The following HMSD variants were observed in gnomAD, a reference collection of about 807,000 sequenced individuals.
HMSD encodes serpin-like protein HMSD.
In HMSD, 13 loss-of-function variants were observed where a neutral mutation model predicts 10.0. The observed-to-expected ratio is 1.31, with a 90% CI of 0.85 to 2.08. HMSD has a LOEUF of 2.08. Ranked by LOEUF, HMSD falls within the 30% of genes most tolerant of loss-of-function variation. The pLI, the probability that HMSD is intolerant of heterozygous loss-of-function variation, is 0.00. For synonymous variants in HMSD, 51 were observed against 54.2 expected (o/e 0.94, Z 0.26); for missense variants, 169 against 166.3 (o/e 1.02, Z -0.09).
intron 1 of HMSD, among the ~76,000 whole-genome samples, chr18:63,951,510 C>G (rs751109029): frequency 1.3e-5 from 2 of 151,934 alleles, no homozygotes; most frequent in Admixed American, 6.6e-5. Flanking sequence ...GTTGAGCATA[C>G]GAAGAAATTA....
At chr18:63,955,673 A>T (rs1011485908) in intron 3 of HMSD, among the ~76,000 whole-genome samples, 2 of 152,140 alleles carry the variant, frequency 1.3e-5, no homozygotes, top group African/African-American at 4.8e-5. Flanking sequence ...GGAGCTCCTG[A>T]TGCTGGCGTC....
chr18:63,965,458 C>G (rs1319734976), downstream of HMSD, among the ~76,000 whole-genome samples: 4 of 152,178 alleles, frequency 2.6e-5, no homozygotes, highest in Non-Finnish European at 5.9e-5. Context: ...CCCCTTAACC[C>G]CCTTCAAATT....
rs759360805 is a variant in HMSD, at chr18:63,960,197, A to G, written c.262A>G (p.Ile88Val). Reference sequence around the variant, plus strand: ...CTGTGGCAAATTCTACCAAGCAACGATAAAACAGCTAGACTTTGTGAATGA... The same window carrying G: ...CTGTGGCAAATTCTACCAAGCAACGGTAAAACAGCTAGACTTTGTGAATGA... ...DSCGKFYQAT[I>V]KQLDFVNDTE... Residue 88 changes from isoleucine (I) to valine (V), a missense_variant, in exon 4 of 4, where the codon ATA becomes GTA. Coordinates refer to ENST00000408945, the MANE Select transcript of HMSD (RefSeq NM_001123366.2). 1 of 1,612,856 alleles carries G rather than the reference A, an allele frequency of 6.2e-7. No homozygotes were observed. The highest frequency in any genetic ancestry group is 8.5e-7 in the Non-Finnish European group (1 of 1,179,676).
At chr18:63,968,822 C>A (rs572627229) in intron 3 of HMSD, 1 of 152,260 alleles carries the variant, frequency 6.6e-6, no homozygotes, top group East Asian at 1.9e-4. Context: ...GAGTCTGTAG[C>A]CACTAGAGAG....
downstream of HMSD, among the ~76,000 whole-genome samples, chr18:63,963,119 T>TTTCTTTC (rs1568261396): frequency 1.2e-4 from 17 of 136,804 alleles, no homozygotes; most frequent in African/African-American, 3.5e-4. Flanking sequence ...CTTTCTTTCT[T>TTTCTTTC]TCTTTCTTTC....
At chr18:63,951,269 G>C (rs554703013) in intron 1 of HMSD, among the ~76,000 whole-genome samples, 1 of 152,258 alleles carries the variant, frequency 6.6e-6, no homozygotes, top group African/African-American at 2.4e-5. Context: ...TAACGTATTT[G>C]CTGTGTTAGC....
chr18:63,969,149 G>A (rs1850246127), intron 3 of HMSD, among the ~76,000 whole-genome samples: 1 of 152,162 alleles, frequency 6.6e-6, no homozygotes, highest in Non-Finnish European at 1.5e-5. Flanking sequence ...ATGAACAGAG[G>A]ATATGAAGGA....
chr18:63,964,922 C>G (rs942084092), downstream of HMSD, among the ~76,000 whole-genome samples: 1 of 152,032 alleles, frequency 6.6e-6, no homozygotes, highest in Non-Finnish European at 1.5e-5. Flanking sequence ...TTTTTTTCCA[C>G]TTACCCCAAG....
chr18:63,953,124 G>A (rs953288236), intron 1 of HMSD, among the ~76,000 whole-genome samples: 1 of 152,230 alleles, frequency 6.6e-6, no homozygotes, highest in Non-Finnish European at 1.5e-5. Context: ...AACAGTGAAG[G>A]CTCAATTTCT....
chr18:63,954,324 A>G (rs765995415), intron 2 of HMSD, 84 bp from the exon 3 acceptor site: 96 of 937,272 alleles, frequency 1.0e-4, no homozygotes, highest in Non-Finnish European at 1.5e-4. Context: ...TGTAAATCTC[A>G]TATTGCTGAG....
At position 63,960,232 on chromosome 18, in the gene HMSD, G is replaced by T; in HGVS notation, c.297G>T (p.Lys99Asn). The change falls in exon 4 of 4, where the codon AAG (lysine) becomes AAT (asparagine). Residue 99 changes from lysine to asparagine, a missense_variant. Transcript: ENST00000408945. Reference sequence around the variant, plus strand: ...TAGACTTTGTGAATGATACAGAGAAGTCCACAACACGTGTAAACTCCTGGG... The same window carrying T: ...TAGACTTTGTGAATGATACAGAGAATTCCACAACACGTGTAAACTCCTGGG... ...KQLDFVNDTE[K>N]STTRVNSWVA... 1 of 1,613,462 alleles carries T rather than the reference G, an allele frequency of 6.2e-7. No homozygotes were observed. The highest frequency in any genetic ancestry group is 8.5e-7 in the Non-Finnish European group (1 of 1,179,792).
At position 63,961,232 on chromosome 18, in the gene HMSD, T is replaced by C. The variant is rs1325864094; in HGVS notation, c.*877T>C. ...TTTTTCTTTCCTGGAATGAGGATAA[T>C]CAAATCATTTCAATATGAATTATGA... On this transcript the variant is annotated 3_prime_UTR_variant, in exon 4 of 4. Coordinates refer to ENST00000408945, the MANE Select transcript of HMSD (RefSeq NM_001123366.2). 6.6e-6 allele frequency: 1 copy of C among 151,578 alleles called. No homozygotes were observed. The highest frequency in any genetic ancestry group is 1.5e-5 in the Non-Finnish European group (1 of 67,912). The allele number at this position is 151,578 out of a possible 1,614,324, so 9.4% of individuals were successfully genotyped here.
Position 63,960,574 on chromosome 18 carries a change from C to T in HMSD, c.*219C>T. On this transcript the variant is annotated 3_prime_UTR_variant, in exon 4 of 4. Coordinates refer to ENST00000408945, the MANE Select transcript of HMSD (RefSeq NM_001123366.2). The stretch of plus-strand genomic sequence containing the variant: ...CGTTAAAATTTGAATTTAAAAATTT[C>T]TAGCTGTCTCCCTCACTGGTATTGC... 1 of 572,296 alleles carries T rather than the reference C, an allele frequency of 1.7e-6. No homozygotes were observed. The highest frequency in any genetic ancestry group is 2.7e-6 in the Non-Finnish European group (1 of 376,012). The allele number at this position is 572,296 out of a possible 1,614,324, so 35.5% of individuals were successfully genotyped here.
rs112322898 is a variant in HMSD at position 63,959,482 on chromosome 18, C to T, written c.223-676C>T. Among the ~76,000 whole-genome samples, 1,399 of 152,164 alleles carry T rather than the reference C, an allele frequency of 9.2e-3. 23 individuals are homozygous for T. Among genetic ancestry groups the T allele is most frequent in the African/African-American group, 0.032 (1,316 of 41,520 alleles). The stretch of plus-strand genomic sequence containing the variant: ...TCTCTTATTGATTTCTAGTTTAATT[C>T]GTTATTGTCTGAGAGCAGACGTTGC... On this transcript the variant is annotated intron_variant, in intron 3 of 3. Coordinates refer to ENST00000408945, the MANE Select transcript of HMSD (RefSeq NM_001123366.2).
chr18:63,963,133 C>CTTTCTTTCTTTCTTTCTTTCTTT (rs748638278), downstream of HMSD, among the ~76,000 whole-genome samples: 3 of 108,460 alleles, frequency 2.8e-5, no homozygotes, highest in Admixed American at 2.0e-4. Flanking sequence ...TTCTTTCTTT[C>CTTTCTTTCTTTCTTTCTTTCTTT]CTTTCTTTCT....
rs75758946 is a variant in HMSD at position 63,961,472 on chromosome 18, G to A, written c.*1117G>A. 1 of 152,152 alleles carries A rather than the reference G, an allele frequency of 6.6e-6. No individual in the cohort carries two copies. Among genetic ancestry groups the A allele is most frequent in the Non-Finnish European group, 1.5e-5 (1 of 68,028 alleles). 9.4% of individuals were successfully genotyped at this position (152,152 alleles called of 1,614,324 possible). A position where few individuals can be genotyped will look rare whatever the true frequency, so the allele number is the denominator to read the frequency against. On this transcript the variant is annotated 3_prime_UTR_variant, in exon 4 of 4. Transcript: ENST00000408945. ...TCATGTGCTGCCTTGACATCTATGG[G>A]CTTCTCAGGGCCTCAGAGGCCTGGC... is the stretch of plus-strand genomic sequence containing the variant.
At chr18:63,963,650 G>C (rs8090586), downstream of HMSD, among the ~76,000 whole-genome samples, 53,815 of 152,134 alleles carry the variant, frequency 0.35, 10,888 homozygotes, top group African/African-American at 0.56. Flanking sequence ...GACAGATTCA[G>C]TAGTTATCAT....
downstream of HMSD, among the ~76,000 whole-genome samples, chr18:63,964,540 A>G (rs1437072936): frequency 3.9e-5 from 6 of 152,138 alleles, no homozygotes; most frequent in Admixed American, 3.9e-4. Flanking sequence ...ACACTGATTC[A>G]AAAAATAAAA....
intron 1 of HMSD, 95 bp from the exon 2 acceptor site, chr18:63,953,259 C>A: frequency 1.9e-6 from 1 of 516,038 alleles, no homozygotes; most frequent in Non-Finnish European, 3.5e-6. Flanking sequence ...TCAATGAAAA[C>A]AAGTATCCAT....
Sources: allele counts gnomAD v4.1 joint callset (sites outside exome capture counted in the v4.1 genomes callset), GRCh38; gene constraint gnomAD v4.1.1; transcripts MANE v1.5; gene names NCBI Gene and HGNC (gene_info 2026-07-23, HGNC 2026-07-21).